Variants in COBL observed in about 807,000 individuals in gnomAD.
COBL encodes the protein protein cordon-bleu.
A neutral mutation model predicts 98.8 loss-of-function variants in COBL; 51 were observed. The observed-to-expected ratio is 0.52, with a 90% CI of 0.41 to 0.65. The LOEUF (loss-of-function observed/expected upper bound fraction) is 0.65. Ranked by LOEUF, COBL falls within the 30% of genes least tolerant of loss-of-function variation. COBL has a pLI of 0.00. For synonymous variants in COBL, 634 were observed against 651.7 expected (o/e 0.97, Z 0.41); for missense variants, 1,617 against 1,617.5 (o/e 1.00, Z 0.01).
chr7:51,050,068 C>A (rs1389795474), intron 7 of COBL, among the ~76,000 whole-genome samples: 2 of 152,150 alleles, frequency 1.3e-5, no homozygotes, highest in African/African-American at 4.8e-5. Flanking sequence ...ATCCCATAGA[C>A]CTGGGCTCCT....
intron 5 of COBL, chr7:51,172,664 T>C: frequency 2.7e-6 from 1 of 365,336 alleles, no homozygotes; most frequent in Non-Finnish European, 4.4e-6. Flanking sequence ...AGGTGTAATC[T>C]TTACCACTTC....
intron 2 of COBL, among the ~76,000 whole-genome samples, chr7:51,212,238 A>T (rs912164033): frequency 1.3e-5 from 2 of 152,162 alleles, no homozygotes; most frequent in Admixed American, 6.5e-5. Flanking sequence ...AATTTTTTTG[A>T]GTCAGTGACT....
chr7:51,179,510 G>A (rs1206436221), intron 5 of COBL, among the ~76,000 whole-genome samples: 2 of 152,052 alleles, frequency 1.3e-5, no homozygotes, highest in East Asian at 3.9e-4. Context: ...CCAGCCAAGA[G>A]ATGGTGCTTA....
At chr7:51,164,298 C>T (rs964742708) in intron 5 of COBL, among the ~76,000 whole-genome samples, 4 of 151,930 alleles carry the variant, frequency 2.6e-5, no homozygotes, top group Non-Finnish European at 4.4e-5. Context: ...TAGATTTAAC[C>T]CAAATACTAC....
At position 51,028,591 on chromosome 7, in the gene COBL, C is replaced by A; in HGVS notation, c.2505G>T (p.Gln835His). The change falls in exon 10 of 13, where the codon CAG becomes CAT. Residue 835 changes from glutamine (Q) to histidine (H), a missense_variant. By Grantham distance (24) the Gln-to-His change is conservative. Around this residue, in one of 3 missense-constraint regions of COBL, gnomAD observed 1,304 missense variants for 1,282.0 expected, o/e 1.02. Transcript: ENST00000265136. ...GRNPLGEGRNQPPTMGMGHVR... is the reference protein window; with the variant it reads ...GRNPLGEGRNHPPTMGMGHVR... ...CGTGACCCATGCCCATGGTGGGGGG[C>A]TGGTTTCTCCCCTCCCCTAGGGGGT... 5 of 1,614,146 alleles carry A rather than the reference C, an allele frequency of 3.1e-6. No individual in the cohort carries two copies. The highest frequency in any genetic ancestry group is 4.2e-6 in the Non-Finnish European group (5 of 1,179,998).
chr7:51,141,843 A>G (rs545278738), intron 5 of COBL, among the ~76,000 whole-genome samples: 118 of 152,216 alleles, frequency 7.8e-4, no homozygotes, highest in African/African-American at 2.6e-3. Flanking sequence ...GTGAGGTGAG[A>G]ATGGGGAGAA....
chr7:51,302,648 A>G lies in COBL; in HGVS notation c.41+13945T>C, dbSNP rs151129745. Among the ~76,000 whole-genome samples, 903 of 152,146 alleles carry G rather than the reference A, an allele frequency of 5.9e-3. 13 individuals are homozygous for G. Among genetic ancestry groups the G allele is most frequent in the African/African-American group, 0.02 (850 of 41,496 alleles). ...GTGGTCGCTCAGGCCTGTAATCCCA[A>G]CACTTTGGGGAGCCAAGACAGGGAG... On this transcript the variant is annotated intron_variant, in intron 1 of 12. Transcript: ENST00000265136.
intron 6 of COBL, among the ~76,000 whole-genome samples, chr7:51,104,194 C>T (rs1796053312): frequency 6.6e-6 from 1 of 152,154 alleles, no homozygotes; most frequent in South Asian, 2.1e-4. Flanking sequence ...TCCAGAGACA[C>T]CAGGAGGCTA....
At chr7:51,158,610 G>A (rs1298246345) in intron 5 of COBL, among the ~76,000 whole-genome samples, 1 of 152,168 alleles carries the variant, frequency 6.6e-6, no homozygotes, top group Non-Finnish European at 1.5e-5. Context: ...ATCCCTAGGG[G>A]CCCAGACCCT....
chr7:51,202,678 T>C (rs1244235203), intron 2 of COBL, among the ~76,000 whole-genome samples: 1 of 152,176 alleles, frequency 6.6e-6, no homozygotes, highest in Non-Finnish European at 1.5e-5. Flanking sequence ...ACAAAAGTTG[T>C]CAAAACTTAT....
chr7:51,191,922 G>C (rs1790152728), intron 3 of COBL, among the ~76,000 whole-genome samples: 1 of 152,186 alleles, frequency 6.6e-6, no homozygotes, highest in Non-Finnish European at 1.5e-5. Context: ...CTGCGTACCA[G>C]GGCCCAGTGG....
chr7:51,184,025 G>A (rs2129052216), intron 5 of COBL, 77 bp downstream of exon 5: 2 of 685,602 alleles, frequency 2.9e-6, no homozygotes, highest in Non-Finnish European at 4.8e-6. Flanking sequence ...AAAGTTCCAG[G>A]ACAGGTTGAA....
chr7:51,270,154 T>C (rs746690805), intron 1 of COBL, among the ~76,000 whole-genome samples: 3 of 152,168 alleles, frequency 2.0e-5, no homozygotes, highest in Non-Finnish European at 4.4e-5. Context: ...TGGACACCTG[T>C]CTGAGCACAC....
intron 7 of COBL, among the ~76,000 whole-genome samples, chr7:51,045,992 T>C (rs1366440079): frequency 6.6e-6 from 1 of 152,186 alleles, no homozygotes; most frequent in East Asian, 1.9e-4. Context: ...GTGGATAATC[T>C]TCCCATGGCC....
chr7:51,203,777 T>G (rs1187030518), intron 2 of COBL, among the ~76,000 whole-genome samples: 1 of 152,082 alleles, frequency 6.6e-6, no homozygotes, highest in Non-Finnish European at 1.5e-5. Flanking sequence ...ATCGATTCAA[T>G]GAAGAACACT....
At chr7:51,122,104 T>C (rs759301944) in intron 6 of COBL, among the ~76,000 whole-genome samples, 14 of 152,182 alleles carry the variant, frequency 9.2e-5, no homozygotes, top group Non-Finnish European at 1.5e-4. Context: ...AGAGCTCCCA[T>C]ACAATGTCAC....
intron 6 of COBL, among the ~76,000 whole-genome samples, chr7:51,093,332 A>T (rs1794984816): frequency 6.6e-6 from 1 of 152,246 alleles, no homozygotes; most frequent in Non-Finnish European, 1.5e-5. Context: ...ACAGTGAGGT[A>T]TCACCTCACA....
chr7:51,261,210 C>A (rs2129148388), intron 1 of COBL, among the ~76,000 whole-genome samples: 1 of 152,328 alleles, frequency 6.6e-6, no homozygotes. Flanking sequence ...TCCTGACAGC[C>A]CATCCAAAAC....
At chr7:51,110,997 T>C (rs1796772263) in intron 6 of COBL, among the ~76,000 whole-genome samples, 1 of 152,262 alleles carries the variant, frequency 6.6e-6, no homozygotes, top group African/African-American at 2.4e-5. Flanking sequence ...GCTATAAACA[T>C]GCGTGTGCAA....
Sources: gnomAD v4.1 joint callset for allele counts (sites outside exome capture counted in the v4.1 genomes callset) on GRCh38, gnomAD v4.1.1 for gene constraint, gnomAD v4.1.1 regional missense constraint, MANE v1.5 for transcripts, NCBI Gene and HGNC (gene_info 2026-07-23, HGNC 2026-07-21) for gene names.